The following SPATA17 variants were observed in gnomAD, a reference collection of about 807,000 sequenced individuals.
The protein encoded by SPATA17 is spermatogenesis associated 17.
Under a neutral mutation model 62.2 loss-of-function variants are expected in SPATA17, and 53 were observed. That is an observed-to-expected ratio of 0.85 (90% CI 0.68 to 1.07). SPATA17 has a LOEUF of 1.07. Among genes scored for constraint, SPATA17 ranks in the 50% least tolerant of loss-of-function variants. The pLI, the probability that SPATA17 is intolerant of heterozygous loss-of-function variation, is 0.00. For missense variants in SPATA17, 466 were observed against 425.5 expected (o/e 1.10, Z -0.84); for synonymous variants, 146 against 146.8 (o/e 0.99, Z 0.04).
At chr1:217,722,600 A>G (rs991604889) in intron 5 of SPATA17, among the ~76,000 whole-genome samples, 2 of 152,148 alleles carry the variant, frequency 1.3e-5, no homozygotes. Context: ...TTGTCTTACT[A>G]TGTATATTTG....
chr1:217,730,824 A>G (rs1456654044), intron 5 of SPATA17, among the ~76,000 whole-genome samples: 2 of 152,028 alleles, frequency 1.3e-5, no homozygotes, highest in African/African-American at 4.8e-5. Flanking sequence ...TGAGAATGCT[A>G]TTTTTCATAT....
intron 1 of SPATA17, among the ~76,000 whole-genome samples, chr1:217,640,714 T>C (rs1670043173): frequency 6.6e-6 from 1 of 151,940 alleles, no homozygotes; most frequent in Admixed American, 6.6e-5. Flanking sequence ...TGAGGGAAAA[T>C]AAATAGCAGT....
chr1:217,697,793 G>A (rs1205757573), intron 5 of SPATA17, among the ~76,000 whole-genome samples: 1 of 152,070 alleles, frequency 6.6e-6, no homozygotes, highest in Non-Finnish European at 1.5e-5. Flanking sequence ...TATAATGGAA[G>A]ATTGCTTTAT....
intron 3 of SPATA17, among the ~76,000 whole-genome samples, chr1:217,664,441 C>T (rs1030296435): frequency 1.3e-5 from 2 of 151,904 alleles, no homozygotes; most frequent in African/African-American, 4.8e-5. Context: ...AGGTGCTCAC[C>T]ACCACACCTG....
At chr1:217,653,217 T>C (rs115155192) in intron 3 of SPATA17, among the ~76,000 whole-genome samples, 58 of 152,328 alleles carry the variant, frequency 3.8e-4, no homozygotes, top group Admixed American at 9.8e-4. Context: ...CTCTTACATT[T>C]TGAAGCTTGT....
chr1:217,789,028 C>T (rs1314561372), intron 8 of SPATA17, among the ~76,000 whole-genome samples: 1 of 151,924 alleles, frequency 6.6e-6, no homozygotes, highest in South Asian at 2.1e-4. Flanking sequence ...GTATAGACAT[C>T]GAGGATTTAA....
chr1:217,825,104 C>T (rs1174582775), intron 9 of SPATA17, among the ~76,000 whole-genome samples: 1 of 149,920 alleles, frequency 6.7e-6, no homozygotes, highest in African/African-American at 2.4e-5. Context: ...ATTAAAAATT[C>T]CTAAAATATA....
Position 217,869,188 on chromosome 1 carries a change from C to G in SPATA17, c.*2169C>G, listed in dbSNP as rs1254196828. On this transcript the variant is annotated 3_prime_UTR_variant, in exon 11 of 11. Transcript: ENST00000366933. ...GGTTCAGTCTGGAAAGGCAGGATGC[C>G]TCAAACTTGAAACAAGAGAATGGGG... is the stretch of plus-strand genomic sequence containing the variant. The G allele has an allele frequency of 6.6e-6, 1 of 152,336 alleles. No homozygotes were observed. Among genetic ancestry groups the G allele is most frequent in the African/African-American group, 2.4e-5 (1 of 41,410 alleles). 9.4% of individuals were successfully genotyped at this position (152,336 alleles called of 1,614,324 possible). A position where few individuals can be genotyped will look rare whatever the true frequency, so the allele number is the denominator to read the frequency against.
rs796628293 is a variant in SPATA17, at chr1:217,869,344, A to T, written c.*2325A>T. 12 of 152,250 alleles carry T rather than the reference A, an allele frequency of 7.9e-5. No homozygotes were observed. Among genetic ancestry groups the T allele is most frequent in the African/African-American group, 2.9e-4 (12 of 41,548 alleles). The allele number at this position is 152,250 out of a possible 1,614,324, so 9.4% of individuals were successfully genotyped here. On this transcript the variant is annotated 3_prime_UTR_variant, in exon 11 of 11. Coordinates refer to ENST00000366933, the MANE Select transcript of SPATA17 (RefSeq NM_138796.4). ...GCTTTACCTGGATTAAAATAAGGGGACCAAGGTTCTCATGCAGATGAAGCC... is the reference window on the plus strand; with the variant it reads ...GCTTTACCTGGATTAAAATAAGGGGTCCAAGGTTCTCATGCAGATGAAGCC...
In SPATA17 at chr1:217,703,174, C is replaced by CTTTTTTTTTTTTTTTTTTTTTT. The variant is rs1203063860; in HGVS notation, c.395+19827_395+19828insTTTTTTTTTTTTTTTTTTTTTT. ...ACAGGCGTGAGCCATTGCGCTCGGC[C>CTTTTTTTTTTTTTTTTTTTTTT]TTTTTTTTTTTTTTGAAATGGAGTC... On this transcript the variant is annotated intron_variant, in intron 5 of 10. Transcript: ENST00000366933. Among the ~76,000 whole-genome samples, 4 of 105,510 alleles carry CTTTTTTTTTTTTTTTTTTTTTT rather than the reference C, an allele frequency of 3.8e-5. 1 individual carries two copies. Among genetic ancestry groups the CTTTTTTTTTTTTTTTTTTTTTT allele is most frequent in the Admixed American group, 1.9e-4 (2 of 10,320 alleles). 69.2% of individuals were successfully genotyped at this position (105,510 alleles called of 152,430 possible). A position where few individuals can be genotyped will look rare whatever the true frequency, so the allele number is the denominator to read the frequency against.
intron 3 of SPATA17, among the ~76,000 whole-genome samples, chr1:217,661,268 G>C (rs1202755357): frequency 4.0e-5 from 6 of 151,878 alleles, no homozygotes; most frequent in South Asian, 4.2e-4. Flanking sequence ...CAGGAAAACA[G>C]TGATGTTATA....
intron 5 of SPATA17, among the ~76,000 whole-genome samples, chr1:217,719,342 G>T (rs1373683480): frequency 1.3e-5 from 2 of 152,132 alleles, no homozygotes; most frequent in Non-Finnish European, 2.9e-5. Flanking sequence ...TTTTGTTGTG[G>T]TTATTCTTAT....
At chr1:217,805,815 G>A (rs1674418962) in intron 9 of SPATA17, among the ~76,000 whole-genome samples, 1 of 152,218 alleles carries the variant, frequency 6.6e-6, no homozygotes, top group Middle Eastern at 3.2e-3. Context: ...AGGATATGCT[G>A]TGTTCATGGA....
intron 5 of SPATA17, among the ~76,000 whole-genome samples, chr1:217,697,857 G>T (rs1671495636): frequency 6.6e-6 from 1 of 152,058 alleles, no homozygotes; most frequent in African/African-American, 2.4e-5. Flanking sequence ...AAATCTTCTT[G>T]TCTATAGTAT....
chr1:217,704,230 C>A (rs947920757), intron 5 of SPATA17, among the ~76,000 whole-genome samples: 1 of 41,718 alleles, frequency 2.4e-5, no homozygotes, highest in African/African-American at 7.5e-5. Context: ...TTCCCTCTAC[C>A]TTTTTTTTTT....
intron 8 of SPATA17, among the ~76,000 whole-genome samples, chr1:217,795,880 C>T (rs527878928): frequency 6.6e-4 from 100 of 152,248 alleles, no homozygotes; most frequent in African/African-American, 2.4e-3. Flanking sequence ...CTCACGGCAG[C>T]TTTGACCTCC....
At chr1:217,707,162 G>A (rs901142981) in intron 5 of SPATA17, among the ~76,000 whole-genome samples, 7 of 152,086 alleles carry the variant, frequency 4.6e-5, no homozygotes, top group Admixed American at 2.0e-4. Context: ...ACCATGCCTG[G>A]CCCTGTATTT....
intron 5 of SPATA17, among the ~76,000 whole-genome samples, chr1:217,711,063 G>A (rs781476121): frequency 6.6e-6 from 1 of 152,186 alleles, no homozygotes; most frequent in Non-Finnish European, 1.5e-5. Flanking sequence ...CTGTTAATCA[G>A]CTGATGGACA....
intron 8 of SPATA17, among the ~76,000 whole-genome samples, chr1:217,801,187 A>G (rs1245568898): frequency 6.6e-6 from 1 of 152,182 alleles, no homozygotes; most frequent in Non-Finnish European, 1.5e-5. Context: ...TAACTTGCAT[A>G]GGGTAATACA....
Sources: gnomAD v4.1 joint callset for allele counts (sites outside exome capture counted in the v4.1 genomes callset) on GRCh38, gnomAD v4.1.1 for gene constraint, MANE v1.5 for transcripts, NCBI Gene and HGNC (gene_info 2026-07-23, HGNC 2026-07-21) for gene names.